Variants in AGAP1 observed in about 807,000 individuals in gnomAD.
The protein encoded by AGAP1 is arf-GAP with GTPase, ANK repeat and PH domain-containing protein 1.
Under a neutral mutation model 105.3 loss-of-function variants are expected in AGAP1, and 29 were observed. The ratio of observed to expected loss-of-function variants is 0.28; its 90% CI spans 0.21 to 0.38. The LOEUF (loss-of-function observed/expected upper bound fraction) is 0.38. Ranked by LOEUF, AGAP1 falls within the 10% of genes least tolerant of loss-of-function variation. The probability of loss-of-function intolerance (pLI) is 1.00; values close to 1 mark genes in which losing one functional copy is unlikely to be tolerated. For synonymous variants in AGAP1, 509 were observed against 485.9 expected (o/e 1.05, Z -0.63); for missense variants, 998 against 1,165.1 (o/e 0.86, Z 2.09).
In AGAP1 at chr2:235,612,507, T is replaced by C. The variant is rs1419195263; in HGVS notation, c.164-96672T>C. On this transcript the variant is annotated intron_variant, in intron 1 of 17. Coordinates refer to ENST00000304032, the MANE Select transcript of AGAP1 (RefSeq NM_001037131.3). This position sits in a 1 kb window ranked among gnomAD's most constrained non-coding sequence, Gnocchi z 4.3. ...GAATTGGTCTTTGCCTTTGTACTTA[T>C]TCAAACTGACAAATACTTACTTAAT... Among the ~76,000 whole-genome samples the C allele has an allele frequency of 6.6e-6, 1 of 152,214 alleles. No homozygotes were observed. Among genetic ancestry groups the C allele is most frequent in the Non-Finnish European group, 1.5e-5 (1 of 68,028 alleles).
chr2:235,791,701 C>T (rs1410780829), intron 6 of AGAP1, among the ~76,000 whole-genome samples: 1 of 152,118 alleles, frequency 6.6e-6, no homozygotes, highest in Non-Finnish European at 1.5e-5. Flanking sequence ...GCACACGCCA[C>T]AATGCCTGGC....
In AGAP1 at chr2:236,080,009, A is replaced by G. The variant is rs1165534212; in HGVS notation, c.2114+30728A>G. ...CAATAGCAGTAGCCAGAGTATTAGC[A>G]TTTGGGTCATTTCCCAGGTCCCAGT... On this transcript the variant is annotated intron_variant, in intron 16 of 17. Coordinates refer to ENST00000304032, the MANE Select transcript of AGAP1 (RefSeq NM_001037131.3). The surrounding 1 kb of genome is among the most constrained non-coding windows in gnomAD (Gnocchi z 4.2). 2.6e-5 allele frequency among the ~76,000 whole-genome samples: 4 copies of G among 152,204 alleles called. No individual in the cohort carries two copies. Among genetic ancestry groups the G allele is most frequent in the Non-Finnish European group, 5.9e-5 (4 of 68,026 alleles).
Position 235,958,737 on chromosome 2 carries a change from G to A in AGAP1, c.1484-9725G>A, listed in dbSNP as rs28695401. Among the ~76,000 whole-genome samples, 242 of 152,270 alleles carry A rather than the reference G, an allele frequency of 1.6e-3. No homozygotes were observed. The highest frequency in any genetic ancestry group is 5.4e-3 in the African/African-American group (226 of 41,570). ...ATGAGTGTCCTTGGGCCTGTCTGCC[G>A]GAATGATAGCTAAGAATACATTCCT... On this transcript the variant is annotated intron_variant, in intron 12 of 17. Coordinates refer to ENST00000304032, the MANE Select transcript of AGAP1 (RefSeq NM_001037131.3). This position sits in a 1 kb window ranked among gnomAD's most constrained non-coding sequence, Gnocchi z 4.1.
At chr2:235,643,431 CAAAAAAAA>C (rs56146940) in intron 1 of AGAP1, among the ~76,000 whole-genome samples, 94 of 61,418 alleles carry the variant, frequency 1.5e-3, no homozygotes, top group South Asian at 7.7e-3. Flanking sequence ...GACTGGGTCT[CAAAAAAAA>C]AAAAAAAAAA....
In AGAP1 at chr2:236,083,861, C is replaced by T. The variant is rs985575728; in HGVS notation, c.2114+34580C>T. 6.6e-6 allele frequency among the ~76,000 whole-genome samples: 1 copy of T among 151,954 alleles called. No homozygotes were observed. The highest frequency in any genetic ancestry group is 1.5e-5 in the Non-Finnish European group (1 of 68,026). ...TGCTCTGCCCTCAATTAAATGAATC[C>T]GAGATAAATGGGCATGTGCGTGTGT... On this transcript the variant is annotated intron_variant, in intron 16 of 17. Coordinates refer to ENST00000304032, the MANE Select transcript of AGAP1 (RefSeq NM_001037131.3). This position sits in a 1 kb window ranked among gnomAD's most constrained non-coding sequence, Gnocchi z 5.3.
At position 235,753,875 on chromosome 2, in the gene AGAP1, T is replaced by C. The variant is rs140452129; in HGVS notation, c.673+3387T>C. ...TATTTTATATCATAGTTATATGGTA[T>C]ATGGTTTCTTATTTGTATATGTATT... On this transcript the variant is annotated intron_variant, in intron 6 of 17. Transcript: ENST00000304032. This position sits in a 1 kb window ranked among gnomAD's most constrained non-coding sequence, Gnocchi z 4.5. 2.3e-3 allele frequency among the ~76,000 whole-genome samples: 345 copies of C among 152,302 alleles called. 4 individuals carry two copies. The highest frequency in any genetic ancestry group is 0.02 in the East Asian group (102 of 5,192).
rs886610627 is a variant in AGAP1, at chr2:236,130,197, G to A, written c.*6075G>A. On this transcript the variant is annotated 3_prime_UTR_variant, in exon 18 of 18. Coordinates refer to ENST00000304032, the MANE Select transcript of AGAP1 (RefSeq NM_001037131.3). The surrounding 1 kb of genome is among the most constrained non-coding windows in gnomAD (Gnocchi z 5.8). ...GCAGCCGCTCCATGTGCCCCAAACA[G>A]GATATCCTCATGAATGTGAGGAGAG... 1 of 152,268 alleles carries A rather than the reference G, an allele frequency of 6.6e-6. No individual in the cohort carries two copies. The highest frequency in any genetic ancestry group is 2.4e-5 in the African/African-American group (1 of 41,442). 9.4% of individuals were successfully genotyped at this position (152,268 alleles called of 1,614,324 possible).
rs1947903482 is a variant in AGAP1 at position 235,660,219 on chromosome 2, C to G, written c.164-48960C>G. Among the ~76,000 whole-genome samples the G allele has an allele frequency of 6.6e-6, 1 of 152,174 alleles. No homozygotes were observed. On this transcript the variant is annotated intron_variant, in intron 1 of 17. Transcript: ENST00000304032. This position sits in a 1 kb window ranked among gnomAD's most constrained non-coding sequence, Gnocchi z 5.3. ...TGGCTAGGGGAAGAAGTGAATCACCCTCTTCTCTGTGTCTTTCCCTAACCA... is the reference window on the plus strand; with the variant it reads ...TGGCTAGGGGAAGAAGTGAATCACCGTCTTCTCTGTGTCTTTCCCTAACCA...
intron 16 of AGAP1, among the ~76,000 whole-genome samples, chr2:236,118,650 A>G (rs1052709311): frequency 2.6e-5 from 4 of 151,904 alleles, no homozygotes; most frequent in Non-Finnish European, 4.4e-5. Flanking sequence ...CGGCCTCCCA[A>G]AGTGCTGGGA....
intron 6 of AGAP1, among the ~76,000 whole-genome samples, chr2:235,770,587 C>T (rs1020732503): frequency 6.6e-6 from 1 of 152,140 alleles, no homozygotes; most frequent in African/African-American, 2.4e-5. Flanking sequence ...GATATTCACG[C>T]AATCATAAAA....
chr2:235,979,518 C>A lies in AGAP1; in HGVS notation c.1645+10895C>A, dbSNP rs767410494. Among the ~76,000 whole-genome samples the A allele has an allele frequency of 6.6e-6, 1 of 152,268 alleles. No homozygotes were observed. Among genetic ancestry groups the A allele is most frequent in the Non-Finnish European group, 1.5e-5 (1 of 68,026 alleles). On this transcript the variant is annotated intron_variant, in intron 13 of 17. Transcript: ENST00000304032. This position sits in a 1 kb window ranked among gnomAD's most constrained non-coding sequence, Gnocchi z 4.5. ...TTTATTTAGTAATCTTTGCTAATACCCTCCTGGCTTTCCACTCCACCCCTT... is the reference window on the plus strand; with the variant it reads ...TTTATTTAGTAATCTTTGCTAATACACTCCTGGCTTTCCACTCCACCCCTT...
At chr2:235,512,003 T>A (rs62191521) in intron 1 of AGAP1, among the ~76,000 whole-genome samples, 69,772 of 137,652 alleles carry the variant, frequency 0.51, 16,762 homozygotes, top group Admixed American at 0.6. Context: ...TGAATGCGTG[T>A]GTGACTGTGT....
chr2:235,757,104 C>T (rs1176453312), intron 6 of AGAP1, among the ~76,000 whole-genome samples: 3 of 152,194 alleles, frequency 2.0e-5, no homozygotes, highest in East Asian at 1.9e-4. Context: ...ATTCATATGA[C>T]CATAGGAAAA....
chr2:235,926,526 A>G (rs1171708805), intron 11 of AGAP1, among the ~76,000 whole-genome samples: 1 of 152,210 alleles, frequency 6.6e-6, no homozygotes, highest in Non-Finnish European at 1.5e-5. Flanking sequence ...GATCCCAGAA[A>G]CAATATTTCT....
chr2:236,099,041 C>T (rs1032086845), intron 16 of AGAP1, among the ~76,000 whole-genome samples: 1 of 152,042 alleles, frequency 6.6e-6, no homozygotes, highest in East Asian at 1.9e-4. Context: ...CCCACCTCCC[C>T]AGCGGGGGAG....
In AGAP1 at chr2:235,598,235, G is replaced by A. The variant is rs112228855; in HGVS notation, c.163+103386G>A. Reference sequence around the variant, plus strand: ...TTTGGGCATGTGTGAGTGGCCCCGCGATGGAACAGCGCCCTGGTTCCTGCC... The same window carrying A: ...TTTGGGCATGTGTGAGTGGCCCCGCAATGGAACAGCGCCCTGGTTCCTGCC... On this transcript the variant is annotated intron_variant, in intron 1 of 17. Coordinates refer to ENST00000304032, the MANE Select transcript of AGAP1 (RefSeq NM_001037131.3). 4.1e-3 allele frequency among the ~76,000 whole-genome samples: 624 copies of A among 152,304 alleles called. 8 individuals are homozygous for A. Among genetic ancestry groups the A allele is most frequent in the Middle Eastern group, 0.034 (10 of 294 alleles).
At chr2:235,772,880 G>C (rs1197162284) in intron 6 of AGAP1, among the ~76,000 whole-genome samples, 1 of 152,194 alleles carries the variant, frequency 6.6e-6, no homozygotes, top group Non-Finnish European at 1.5e-5. Context: ...TTCTTTATGT[G>C]CCCAGTAAAG....
At chr2:235,538,644 C>T (rs1323955367) in intron 1 of AGAP1, among the ~76,000 whole-genome samples, 1 of 152,082 alleles carries the variant, frequency 6.6e-6, no homozygotes, top group African/African-American at 2.4e-5. Flanking sequence ...ACTGCTTACC[C>T]TCTTCCTCTT....
At chr2:235,711,554 C>T (rs1950856013) in intron 2 of AGAP1, among the ~76,000 whole-genome samples, 3 of 152,176 alleles carry the variant, frequency 2.0e-5, no homozygotes, top group Admixed American at 6.5e-5. Flanking sequence ...CCGTGGGCTT[C>T]GATGCTGTTG....
Sources: allele counts gnomAD v4.1 joint callset (sites outside exome capture counted in the v4.1 genomes callset), GRCh38; gene constraint gnomAD v4.1.1; non-coding constraint Gnocchi (gnomAD v3.1); transcripts MANE v1.5; gene names NCBI Gene and HGNC (gene_info 2026-07-23, HGNC 2026-07-21).